The following UQCC1 variants were observed in gnomAD, a reference collection of about 807,000 sequenced individuals.
UQCC1 encodes ubiquinol-cytochrome c reductase complex assembly factor 1.
In UQCC1, 38 loss-of-function variants were observed where a neutral mutation model predicts 48.0. The observed-to-expected ratio is 0.79, with a 90% CI of 0.61 to 1.04. UQCC1 has a LOEUF of 1.04. UQCC1 is among the 50% of genes least tolerant of loss of function. The probability of loss-of-function intolerance (pLI) is 0.00; values close to 1 mark genes in which losing one functional copy is unlikely to be tolerated. For missense variants in UQCC1, 368 were observed against 381.8 expected (o/e 0.96, Z 0.30); for synonymous variants, 111 against 129.2 (o/e 0.86, Z 0.95).
intron 1 of UQCC1, among the ~76,000 whole-genome samples, chr20:35,400,401 T>G (rs959161953): frequency 2.0e-5 from 3 of 152,128 alleles, no homozygotes; most frequent in South Asian, 2.1e-4. Context: ...CAAAAATTAT[T>G]CCTTTAACTT....
chr20:35,313,151 C>T (rs533288133), intron 8 of UQCC1, among the ~76,000 whole-genome samples: 25 of 152,034 alleles, frequency 1.6e-4, no homozygotes, highest in Non-Finnish European at 3.2e-4. Context: ...CCGAGGCGGG[C>T]AGATCACAAG....
intron 6 of UQCC1, among the ~76,000 whole-genome samples, chr20:35,362,162 G>T (rs1239300908): frequency 6.6e-6 from 1 of 152,226 alleles, no homozygotes; most frequent in African/African-American, 2.4e-5. Flanking sequence ...TTTGTCAAGT[G>T]GAGAGGCGGG....
chr20:35,374,256 T>C lies in UQCC1; in HGVS notation c.334A>G (p.Lys112Glu). The C allele has an allele frequency of 6.2e-7, 1 of 1,609,570 alleles. No individual in the cohort carries two copies. The highest frequency in any genetic ancestry group is 8.5e-7 in the Non-Finnish European group (1 of 1,178,346). ...FTGPLKYSKW[K>E]IKIAALRMYT... ...ATGCGCAGGGCCGCAATCTTAATCT[T>C]CTAGACAAAGAGAATAAAACCAAAC... is the stretch of plus-strand genomic sequence containing the variant. Residue 112 changes from lysine to glutamate, a missense_variant and splice_region_variant, in exon 5 of 10, where the codon AAG becomes GAG. Physicochemically the swap from Lys to Glu is moderately conservative, Grantham distance 56 (BLOSUM62 1). Transcript: ENST00000374385.
At chr20:35,374,513 T>G (rs1459013310) in intron 4 of UQCC1, among the ~76,000 whole-genome samples, 1 of 152,242 alleles carries the variant, frequency 6.6e-6, no homozygotes, top group Non-Finnish European at 1.5e-5. Context: ...AAATGAAATC[T>G]CTCATTTAAT....
intron 7 of UQCC1, among the ~76,000 whole-genome samples, chr20:35,335,868 G>C (rs1286790245): frequency 6.6e-6 from 1 of 152,202 alleles, no homozygotes; most frequent in South Asian, 2.1e-4. Context: ...ACTAACTGGA[G>C]AAGCTAGGAC....
intron 7 of UQCC1, among the ~76,000 whole-genome samples, chr20:35,322,727 G>A (rs764096054): frequency 3.3e-5 from 5 of 151,786 alleles, no homozygotes; most frequent in Non-Finnish European, 5.9e-5. Flanking sequence ...GCAAGACTCT[G>A]TCTCAAAAAA....
intron 2 of UQCC1, among the ~76,000 whole-genome samples, chr20:35,389,558 G>A (rs901251963): frequency 1.1e-4 from 17 of 150,746 alleles, no homozygotes; most frequent in African/African-American, 3.7e-4. Flanking sequence ...GTGAGACTCC[G>A]TCTCAAAAAA....
At position 35,303,808 on chromosome 20, in the gene UQCC1, A is replaced by G. The variant is rs1437629186; in HGVS notation, c.*127T>C. The G allele has an allele frequency of 7.8e-7, 1 of 1,290,162 alleles. No homozygotes were observed. The highest frequency in any genetic ancestry group is 1.5e-5 in the African/African-American group (1 of 68,016). The allele number at this position is 1,290,162 out of a possible 1,614,324, so 79.9% of individuals were successfully genotyped here. ...GAGGAAACTCAACACAAATGGGGCC[A>G]GGTATTTGACAGATGCTGTTCAGAG... On this transcript the variant is annotated 3_prime_UTR_variant, in exon 10 of 10. Coordinates refer to ENST00000374385, the MANE Select transcript of UQCC1 (RefSeq NM_018244.5).
chr20:35,338,176 T>C (rs2061334282), intron 7 of UQCC1, among the ~76,000 whole-genome samples: 2 of 152,170 alleles, frequency 1.3e-5, no homozygotes, highest in South Asian at 2.1e-4. Context: ...TGTCTTTTTT[T>C]TCCCCCTTAA....
intron 7 of UQCC1, among the ~76,000 whole-genome samples, chr20:35,318,390 C>T (rs763352134): frequency 2.0e-5 from 3 of 152,230 alleles, no homozygotes; most frequent in African/African-American, 7.2e-5. Flanking sequence ...CAGAGATCAT[C>T]AACACATTCA....
At position 35,394,072 on chromosome 20, in the gene UQCC1, A is replaced by C. The variant is rs775842813; in HGVS notation, c.129+20T>G. 4 of 1,605,548 alleles carry C rather than the reference A, an allele frequency of 2.5e-6. No individual in the cohort carries two copies. In the South Asian group the frequency reaches 3.3e-5, roughly 13 times the overall value. On this transcript the variant is annotated intron_variant, in intron 2 of 9. Transcript: ENST00000374385. ...AAACACTAAGGTTTTCATACTAAGC[A>C]AAAGAACAACAAATCTTACCTGGGA...
intron 7 of UQCC1, among the ~76,000 whole-genome samples, chr20:35,334,900 C>T (rs1235817854): frequency 6.6e-6 from 1 of 152,172 alleles, no homozygotes. Context: ...TAGAAATCAT[C>T]TAACTCTCCT....
intron 6 of UQCC1, among the ~76,000 whole-genome samples, chr20:35,363,028 TAA>T (rs60988214): frequency 3.6e-4 from 29 of 80,650 alleles, no homozygotes; most frequent in Non-Finnish European, 5.0e-4. Context: ...TCCTTAAAAC[TAA>T]AAAAAAAAAA....
At chr20:35,349,823 C>T (rs1387799597) in intron 6 of UQCC1, among the ~76,000 whole-genome samples, 1 of 152,046 alleles carries the variant, frequency 6.6e-6, no homozygotes, top group African/African-American at 2.4e-5. Flanking sequence ...ACAGTTGGAC[C>T]CCGATTCTAC....
intron 8 of UQCC1, chr20:35,307,209 T>C (rs929959090): frequency 1.1e-5 from 3 of 281,346 alleles, no homozygotes; most frequent in Non-Finnish European, 2.1e-5. Context: ...CTCCCAGGAA[T>C]GGAGGTGGGC....
intron 5 of UQCC1, among the ~76,000 whole-genome samples, chr20:35,371,274 TTC>T (rs1353808882): frequency 1.3e-5 from 2 of 151,976 alleles, no homozygotes; most frequent in Non-Finnish European, 2.9e-5. Flanking sequence ...TCTAAGAAAT[TTC>T]TGAGTTATTT....
At chr20:35,366,288 T>C (rs768448215) in intron 6 of UQCC1, among the ~76,000 whole-genome samples, 6 of 152,204 alleles carry the variant, frequency 3.9e-5, no homozygotes, top group Non-Finnish European at 5.9e-5. Flanking sequence ...TCCAAGCTCA[T>C]AGAGTGTGTT....
At chr20:35,310,426 C>G (rs1027736708) in intron 8 of UQCC1, among the ~76,000 whole-genome samples, 14 of 151,784 alleles carry the variant, frequency 9.2e-5, no homozygotes, top group African/African-American at 3.4e-4. Flanking sequence ...GGGTGGATCA[C>G]GAGGTCAAGA....
At chr20:35,366,448 C>T in intron 6 of UQCC1, 109 bp downstream of exon 6, 2 of 911,672 alleles carry the variant, frequency 2.2e-6, no homozygotes, top group Non-Finnish European at 3.4e-6. Context: ...GTTTTTAACA[C>T]CTGAACAACT....
Sources: gnomAD v4.1 joint callset for allele counts (sites outside exome capture counted in the v4.1 genomes callset) on GRCh38, gnomAD v4.1.1 for gene constraint, MANE v1.5 for transcripts, NCBI Gene and HGNC (gene_info 2026-07-23, HGNC 2026-07-21) for gene names.